Variants in PSAP observed in about 807,000 individuals in gnomAD.
PSAP encodes prosaposin.
PSAP carries 25 observed loss-of-function variants against 66.0 expected under a neutral mutation model. That is an observed-to-expected ratio of 0.38 (90% CI 0.28 to 0.53). The LOEUF is 0.53. PSAP is among the 20% of genes least tolerant of loss of function. The pLI is 0.83. For synonymous variants in PSAP, 273 were observed against 258.9 expected (o/e 1.05, Z -0.52); for missense variants, 649 against 668.8 (o/e 0.97, Z 0.33).
intron 7 of PSAP, chr10:71,822,765 C>T (rs1589448560): frequency 2.7e-6 from 1 of 374,406 alleles, no homozygotes; most frequent in Non-Finnish European, 5.5e-6. Flanking sequence ...CATTTGCCTT[C>T]CAGCACCAAA....
chr10:71,839,071 G>A (rs371943324), intron 1 of PSAP, among the ~76,000 whole-genome samples: 1 of 152,074 alleles, frequency 6.6e-6, no homozygotes, highest in Admixed American at 6.5e-5. Flanking sequence ...CCAAATACCA[G>A]CTTCCTTCTC....
chr10:71,839,928 T>C (rs1397813372), intron 1 of PSAP, among the ~76,000 whole-genome samples: 1 of 152,170 alleles, frequency 6.6e-6, no homozygotes, highest in African/African-American at 2.4e-5. Flanking sequence ...CCAACTAATA[T>C]ACATACTTAA....
At chr10:71,832,083 G>C (rs1842532739) in intron 2 of PSAP, among the ~76,000 whole-genome samples, 163 bp from the exon 3 acceptor site, 2 of 152,092 alleles carry the variant, frequency 1.3e-5, no homozygotes, top group African/African-American at 4.8e-5. Context: ...AGCAGCGCTG[G>C]GGCACGGCAG....
Position 71,831,258 on chromosome 10 carries a change from G to A in PSAP, c.250-7C>T. The stretch of plus-strand genomic sequence containing the variant: ...AGTAAACAAGGATCTCCTCCTACGA[G>A]AGGACACCAGGGTCAGAATCACGAT... On this transcript the variant is annotated splice_region_variant and splice_polypyrimidine_tract_variant and intron_variant, in intron 3 of 13. Transcript: ENST00000394936. 6.2e-7 allele frequency: 1 copy of A among 1,613,590 alleles called. No homozygotes were observed. The highest frequency in any genetic ancestry group is 8.5e-7 in the Non-Finnish European group (1 of 1,179,850).
rs578099574 is a variant in PSAP, at chr10:71,817,429, A to C, written c.*12T>G. On this transcript the variant is annotated 3_prime_UTR_variant, in exon 14 of 14. Coordinates refer to ENST00000394936, the MANE Select transcript of PSAP (RefSeq NM_002778.4). ...ATGCTGTGGTTTCTGCCAAGATGGA[A>C]TATTCCTCCTCCTAGTTCCACACAT... is the stretch of plus-strand genomic sequence containing the variant. The C allele has an allele frequency of 9.9e-6, 16 of 1,613,850 alleles. No individual in the cohort carries two copies. Among genetic ancestry groups the C allele is most frequent in the Non-Finnish European group, 1.3e-5 (15 of 1,179,838 alleles).
intron 1 of PSAP, among the ~76,000 whole-genome samples, chr10:71,847,836 T>G (rs923295356): frequency 6.6e-6 from 1 of 152,230 alleles, no homozygotes; most frequent in African/African-American, 2.4e-5. Flanking sequence ...CTGAAGTTCC[T>G]ACTGATATTC....
chr10:71,846,824 C>T (rs939560138), intron 1 of PSAP, among the ~76,000 whole-genome samples: 1 of 151,748 alleles, frequency 6.6e-6, no homozygotes, highest in Non-Finnish European at 1.5e-5. Context: ...CCAGACCCTC[C>T]TTCCTGGTGG....
rs147265566 is a variant in PSAP, at chr10:71,828,039, C to T, written c.695G>A (p.Arg232His). 2.2e-5 allele frequency: 36 copies of T among 1,614,196 alleles called. No homozygotes were observed. The highest frequency in any genetic ancestry group is 2.0e-4 in the Admixed American group (12 of 60,030). The change falls in exon 6 of 14, where the codon CGC (arginine) becomes CAC (histidine). Residue 232 changes from arginine to histidine, a missense_variant. Transcript: ENST00000394936. ...LVEHVKEECD[R>H]LGPGMADICK... ...TATGTCGGCCATGCCAGGGCCCAGGCGGTCACACTCCTCCTTGACATGTTC... is the reference window on the plus strand; with the variant it reads ...TATGTCGGCCATGCCAGGGCCCAGGTGGTCACACTCCTCCTTGACATGTTC...
intron 2 of PSAP, among the ~76,000 whole-genome samples, chr10:71,833,516 T>G (rs1842560804): frequency 6.6e-6 from 1 of 152,194 alleles, no homozygotes; most frequent in Admixed American, 6.5e-5. Context: ...ATTCACAAAC[T>G]GTTTCTAAAA....
At chr10:71,830,999 G>A (rs1474988998) in intron 4 of PSAP, 127 bp downstream of exon 4, 1 of 1,416,862 alleles carries the variant, frequency 7.1e-7, no homozygotes, top group Non-Finnish European at 9.8e-7. Context: ...TCAAATTGTA[G>A]CAAAATGCTG....
intron 5 of PSAP, 37 bp downstream of exon 5, chr10:71,828,840 C>CA: frequency 1.2e-6 from 2 of 1,611,896 alleles, no homozygotes; most frequent in Non-Finnish European, 1.7e-6. Flanking sequence ...CCAGTGCAAC[C>CA]AAAAATGGGT....
chr10:71,842,733 G>T (rs1842751327), intron 1 of PSAP, among the ~76,000 whole-genome samples: 1 of 152,062 alleles, frequency 6.6e-6, no homozygotes, highest in African/African-American at 2.4e-5. Flanking sequence ...CTCCCCAAAA[G>T]GTGTGGGAGG....
At chr10:71,822,494 T>C (rs987488847) in intron 7 of PSAP, among the ~76,000 whole-genome samples, 1 of 152,180 alleles carries the variant, frequency 6.6e-6, no homozygotes, top group Non-Finnish European at 1.5e-5. Context: ...TAAGGGGAAA[T>C]GCTGGCTTTT....
intron 8 of PSAP, among the ~76,000 whole-genome samples, chr10:71,821,062 C>T (rs1384987286): frequency 6.6e-6 from 1 of 152,242 alleles, no homozygotes; most frequent in Admixed American, 6.5e-5. Flanking sequence ...CTTTGGTCAG[C>T]AGGCTGGAGC....
chr10:71,819,661 C>CT (rs1398186847), intron 10 of PSAP, 39 bp from the exon 11 acceptor site: 1 of 1,613,972 alleles, frequency 6.2e-7, no homozygotes, highest in Non-Finnish European at 8.5e-7. Context: ...TGGCAGGGCC[C>CT]TCCCAGACCC....
At chr10:71,833,303 A>T (rs1842557007) in intron 2 of PSAP, among the ~76,000 whole-genome samples, 1 of 152,112 alleles carries the variant, frequency 6.6e-6, no homozygotes, top group African/African-American at 2.4e-5. Flanking sequence ...TACAAAAAAT[A>T]CAAAAATTAG....
At chr10:71,841,021 T>C (rs760974074) in intron 1 of PSAP, among the ~76,000 whole-genome samples, 2 of 152,232 alleles carry the variant, frequency 1.3e-5, no homozygotes, top group Non-Finnish European at 2.9e-5. Context: ...AAGAAGAACT[T>C]AGATCACCTT....
chr10:71,835,931 AAC>A (rs1842618103), intron 1 of PSAP, among the ~76,000 whole-genome samples: 1 of 152,010 alleles, frequency 6.6e-6, no homozygotes. Flanking sequence ...ATACGTGTGT[AAC>A]ACACATAGGA....
At chr10:71,843,086 CA>C (rs1467416798) in intron 1 of PSAP, among the ~76,000 whole-genome samples, 1 of 152,066 alleles carries the variant, frequency 6.6e-6, no homozygotes, top group Non-Finnish European at 1.5e-5. Flanking sequence ...GTGAGTGCTA[CA>C]AATAAAGCAA....
Sources: allele counts gnomAD v4.1 joint callset (sites outside exome capture counted in the v4.1 genomes callset), GRCh38; gene constraint gnomAD v4.1.1; transcripts MANE v1.5; gene names NCBI Gene and HGNC (gene_info 2026-07-23, HGNC 2026-07-21).